PLXND1: variants seen among roughly 807,000 people sequenced by gnomAD.
PLXND1 encodes the protein plexin-D1.
A neutral mutation model predicts 197.7 loss-of-function variants in PLXND1; 54 were observed. The observed-to-expected ratio is 0.27, with a 90% CI of 0.22 to 0.34. PLXND1 has a LOEUF of 0.34. Ranked by LOEUF, PLXND1 falls within the 10% of genes least tolerant of loss-of-function variation. The probability of loss-of-function intolerance (pLI) is 1.00; values close to 1 mark genes in which losing one functional copy is unlikely to be tolerated. For missense variants in PLXND1, 2,127 were observed against 2,699.2 expected (o/e 0.79, Z 4.70); for synonymous variants, 1,180 against 1,161.2 (o/e 1.02, Z -0.33).
At chr3:129,563,040 T>G (rs1381571830) in intron 26 of PLXND1, 54 bp downstream of exon 26, 1 of 1,611,542 alleles carries the variant, frequency 6.2e-7, no homozygotes, top group Non-Finnish European at 8.5e-7. Context: ...GCTGGGTCAA[T>G]GCCGTTGGCG....
rs2085653059 is a variant in PLXND1 at position 129,597,982 on chromosome 3, C to A, written c.1311+7347G>T. ...CGGGTGAGCGCCTCCGCCCCTGGAT[C>A]CTGCCAGCACCTGGCAGGGCCAATA... On this transcript the variant is annotated intron_variant, in intron 1 of 35. Transcript: ENST00000324093. 2.6e-5 allele frequency among the ~76,000 whole-genome samples: 4 copies of A among 152,128 alleles called. No homozygotes were observed. In the South Asian group the frequency reaches 8.3e-4, roughly 31 times the overall value.
chr3:129,578,728 C>A (rs1338608669), intron 8 of PLXND1, among the ~76,000 whole-genome samples: 1 of 152,180 alleles, frequency 6.6e-6, no homozygotes, highest in African/African-American at 2.4e-5. Flanking sequence ...TGGCCTCAGA[C>A]GAGGCTGGGA....
intron 1 of PLXND1, among the ~76,000 whole-genome samples, chr3:129,599,226 C>T (rs917121899): frequency 3.9e-5 from 6 of 152,324 alleles, no homozygotes; most frequent in East Asian, 3.9e-4. Context: ...GAGTCACAGG[C>T]GGGTGAATCG....
chr3:129,605,589 GGCCCGCGCC>G lies in PLXND1; in HGVS notation c.1042_1050del (p.Gly348_Gly350del). ...ACCAGGCGGCTGTAGAGGTCGCCGC[GGCCCGCGCC>G]GCCCGCGCACTGCAAGCCCAACTGG... On this transcript the variant is annotated inframe_deletion, in exon 1 of 36. Transcript: ENST00000324093. 1 of 1,533,810 alleles carries G rather than the reference GGCCCGCGCC, an allele frequency of 6.5e-7. No individual in the cohort carries two copies. Among genetic ancestry groups the G allele is most frequent in the Non-Finnish European group, 8.7e-7 (1 of 1,144,506 alleles).
In PLXND1 at chr3:129,555,681, C is replaced by T; in HGVS notation, c.*631G>A. ...CAGCTCCTGTGCCCCCCATCCCTCC[C>T]CTCCACCCTCCCTGCTCCTGGAGAA... is the stretch of plus-strand genomic sequence containing the variant. On this transcript the variant is annotated 3_prime_UTR_variant, in exon 36 of 36. Coordinates refer to ENST00000324093, the MANE Select transcript of PLXND1 (RefSeq NM_015103.3). 1.8e-6 allele frequency: 1 copy of T among 542,316 alleles called. No homozygotes were observed. The highest frequency in any genetic ancestry group is 3.3e-5 in the East Asian group (1 of 30,108). 33.6% of individuals were successfully genotyped at this position (542,316 alleles called of 1,614,324 possible).
chr3:129,601,329 C>T (rs189166074), intron 1 of PLXND1, among the ~76,000 whole-genome samples: 250 of 152,260 alleles, frequency 1.6e-3, no homozygotes, highest in African/African-American at 5.0e-3. Flanking sequence ...TTTGGGTTCT[C>T]GGGAAGAAGG....
intron 1 of PLXND1, among the ~76,000 whole-genome samples, chr3:129,600,882 T>A (rs1427956639): frequency 6.6e-6 from 1 of 152,142 alleles, no homozygotes; most frequent in Non-Finnish European, 1.5e-5. Context: ...CATGCCAGTT[T>A]AAAACTGCCT....
In PLXND1 at chr3:129,557,921, CT is replaced by C. The variant is rs1295583997; in HGVS notation, c.5445+506del. 6.6e-6 allele frequency among the ~76,000 whole-genome samples: 1 copy of C among 152,224 alleles called. No homozygotes were observed. The highest frequency in any genetic ancestry group is 1.5e-5 in the Non-Finnish European group (1 of 68,042). ...TTCTCTCTGCCTGGAAGGCCATCCT[CT>C]TTCATCTTCAACCTCTAAAGCCAGA... On this transcript the variant is annotated intron_variant, in intron 33 of 35. Transcript: ENST00000324093. This position sits in a 1 kb window ranked among gnomAD's most constrained non-coding sequence, Gnocchi z 4.8.
At chr3:129,581,734 C>T (rs935794362) in intron 8 of PLXND1, among the ~76,000 whole-genome samples, 4 of 152,212 alleles carry the variant, frequency 2.6e-5, no homozygotes, top group Admixed American at 6.5e-5. Context: ...GCTCTTGGCT[C>T]GTGATGGCAG....
At position 129,568,333 on chromosome 3, in the gene PLXND1, A is replaced by G. The variant is rs143628094; in HGVS notation, c.3866-528T>C. Among the ~76,000 whole-genome samples, 15 of 152,268 alleles carry G rather than the reference A, an allele frequency of 9.9e-5. No individual in the cohort carries two copies. In the East Asian group the frequency reaches 2.5e-3, roughly 25 times the overall value. On this transcript the variant is annotated intron_variant, in intron 20 of 35. Coordinates refer to ENST00000324093, the MANE Select transcript of PLXND1 (RefSeq NM_015103.3). ...ATATACATAATGTATTAAAATATCT[A>G]TTAATATATAGTATTTTCAGAAAAG...
intron 15 of PLXND1, 48 bp from the exon 16 acceptor site, chr3:129,571,892 C>T (rs2085239499): frequency 6.5e-7 from 1 of 1,529,542 alleles, no homozygotes; most frequent in Non-Finnish European, 8.8e-7. Flanking sequence ...CTGCTGCTCA[C>T]CCACCGCCAA....
rs143700945 is a variant in PLXND1 at position 129,579,471 on chromosome 3, C to T, written c.2242-1038G>A. 2.6e-5 allele frequency among the ~76,000 whole-genome samples: 4 copies of T among 152,258 alleles called. 1 individual carries two copies. In the South Asian group the frequency reaches 6.2e-4, roughly 24 times the overall value. On this transcript the variant is annotated intron_variant, in intron 8 of 35. Coordinates refer to ENST00000324093, the MANE Select transcript of PLXND1 (RefSeq NM_015103.3). ...CAGAGACCAGAGGCAGGGCTGTTCC[C>T]GCCATGTCCACCTTAGTGATCGCTC...
chr3:129,601,068 C>T (rs2108805938), intron 1 of PLXND1, among the ~76,000 whole-genome samples: 1 of 152,220 alleles, frequency 6.6e-6, no homozygotes, highest in Non-Finnish European at 1.5e-5. Flanking sequence ...TTGGGTGATG[C>T]TGTGCCTCAG....
chr3:129,593,233 C>T (rs1339872272), intron 1 of PLXND1, among the ~76,000 whole-genome samples: 1 of 152,146 alleles, frequency 6.6e-6, no homozygotes, highest in African/African-American at 2.4e-5. Context: ...TGCCCCAGCT[C>T]CTGCCAGCTC....
At chr3:129,570,498 G>A (rs1044432416) in intron 19 of PLXND1, among the ~76,000 whole-genome samples, 1 of 152,192 alleles carries the variant, frequency 6.6e-6, no homozygotes, top group African/African-American at 2.4e-5. Flanking sequence ...ATGGTGCCTG[G>A]CAGCCCAGGC....
Position 129,571,235 on chromosome 3 carries a change from C to T in PLXND1, c.3405G>A (p.Ala1135=), listed in dbSNP as rs373062587. ...GCCCATTGATGAAGAAGTCCACTGGCGCTGATGCGTTGCTCAGGGCCCCGG... is the reference window on the plus strand; with the variant it reads ...GCCCATTGATGAAGAAGTCCACTGGTGCTGATGCGTTGCTCAGGGCCCCGG... ...PSPGALSNAS[A]PVDFFINGRA... Residue 1135 remains alanine, a synonymous_variant, in exon 18 of 36, where the codon GCG becomes GCA. Transcript: ENST00000324093. 40 of 1,614,014 alleles carry T rather than the reference C, an allele frequency of 2.5e-5. No individual in the cohort carries two copies. Among genetic ancestry groups the T allele is most frequent in the Non-Finnish European group, 3.2e-5 (38 of 1,180,012 alleles).
At position 129,605,530 on chromosome 3, in the gene PLXND1, A is replaced by C; in HGVS notation, c.1110T>G (p.Ala370=). 6.6e-7 allele frequency: 1 copy of C among 1,521,198 alleles called. No homozygotes were observed. The highest frequency in any genetic ancestry group is 1.4e-5 in the African/African-American group (1 of 69,694). 94.2% of individuals were successfully genotyped at this position (1,521,198 alleles called of 1,614,324 possible). Residue 370 remains alanine (A), a synonymous_variant, in exon 1 of 36, where the codon GCT becomes GCG. Transcript: ENST00000324093. ...SVFPARERLF[A]VFERPQGSPA... ...GGGACCCCTGGGGCCGCTCGAAGAC[A>C]GCAAAGAGCCGCTCCCGGGCTGGGA...
chr3:129,583,435 T>C (rs2085412933), intron 8 of PLXND1, 132 bp downstream of exon 8: 1 of 626,818 alleles, frequency 1.6e-6, no homozygotes, highest in South Asian at 2.0e-5. Context: ...TGGTATGTGA[T>C]GAGCCCCATA....
At position 129,584,451 on chromosome 3, in the gene PLXND1, C is replaced by T; in HGVS notation, c.1963G>A (p.Gly655Ser). 6.2e-7 allele frequency: 1 copy of T among 1,613,780 alleles called. No individual in the cohort carries two copies. Residue 655 changes from glycine (G) to serine (S), a missense_variant, in exon 6 of 36, where the codon GGT becomes AGT. Transcript: ENST00000324093. ...AGGTTGCAGTAGGCAATCTGGTGAC[C>T]AAAGGCAGGGCCTGGGACCCGAGCC... ...TVARVPGPAF[G>S]HQIAYCNLLP...
Sources: gnomAD v4.1 joint callset for allele counts (sites outside exome capture counted in the v4.1 genomes callset) on GRCh38, gnomAD v4.1.1 for gene constraint, Gnocchi (gnomAD v3.1) non-coding constraint, MANE v1.5 for transcripts, NCBI Gene and HGNC (gene_info 2026-07-23, HGNC 2026-07-21) for gene names.